GALNT13: variants seen among roughly 807,000 people sequenced by gnomAD.
The protein encoded by GALNT13 is polypeptide N-acetylgalactosaminyltransferase 13.
In GALNT13, 28 loss-of-function variants were observed where a neutral mutation model predicts 64.2. That is an observed-to-expected ratio of 0.44 (90% CI 0.32 to 0.60). The LOEUF (loss-of-function observed/expected upper bound fraction) is 0.60. Among genes scored for constraint, GALNT13 ranks in the 20% least tolerant of loss-of-function variants. The pLI is 0.05. For missense variants in GALNT13, 577 were observed against 669.8 expected, an observed-to-expected ratio of 0.86 and a Z score of 1.53; for synonymous variants, 214 against 224.6, an observed-to-expected ratio of 0.95 and a Z score of 0.42.
chr2:154,269,926 T>TATATATATATATATATATATATATA (rs1356571076), intron 8 of GALNT13, among the ~76,000 whole-genome samples: 57 of 33,270 alleles, frequency 1.7e-3, no homozygotes, highest in African/African-American at 4.2e-3. Flanking sequence ...ATATATATAT[T>TATATATATATATATATATATATATA]TCTAAAGCAC....
the GALNT13 span, among the ~76,000 whole-genome samples, chr2:153,861,264 T>A: frequency 6.6e-6 from 1 of 152,330 alleles, no homozygotes. Flanking sequence ...TGTATACTTA[T>A]TTTACCAACG....
the GALNT13 span, among the ~76,000 whole-genome samples, chr2:153,107,029 C>G: frequency 6.6e-6 from 1 of 152,014 alleles, no homozygotes; most frequent in Non-Finnish European, 1.5e-5. Context: ...AAATAAAACC[C>G]CTGCTCCCTA....
the GALNT13 span, among the ~76,000 whole-genome samples, chr2:153,685,581 T>C: frequency 6.6e-6 from 1 of 152,020 alleles, no homozygotes. Flanking sequence ...GTTGGATGCA[T>C]AGTTTGCAAA....
the GALNT13 span, among the ~76,000 whole-genome samples, chr2:153,619,728 A>G: frequency 6.6e-6 from 1 of 152,088 alleles, no homozygotes; most frequent in Non-Finnish European, 1.5e-5. Context: ...ATTGTAAGGT[A>G]GAAGTCTTTT....
chr2:153,771,967 A>G, the GALNT13 span, among the ~76,000 whole-genome samples: 1 of 152,220 alleles, frequency 6.6e-6, no homozygotes, highest in African/African-American at 2.4e-5. Flanking sequence ...CGGGGCACCC[A>G]GCAATGGCAT....
the GALNT13 span, among the ~76,000 whole-genome samples, chr2:153,811,390 T>C: frequency 6.6e-6 from 1 of 152,204 alleles, no homozygotes. Context: ...TTTACCTCTG[T>C]TTACTGGTTG....
chr2:153,459,543 A>G, the GALNT13 span, among the ~76,000 whole-genome samples: 1 of 152,126 alleles, frequency 6.6e-6, no homozygotes, highest in African/African-American at 2.4e-5. Flanking sequence ...ACTGAATTAC[A>G]TGGGGTCAAT....
the GALNT13 span, among the ~76,000 whole-genome samples, chr2:153,147,996 C>T: frequency 2.0e-5 from 3 of 151,680 alleles, no homozygotes; most frequent in Non-Finnish European, 2.9e-5. Flanking sequence ...CAAGAGTAAA[C>T]GTATAAGAAC....
At chr2:153,712,216 A>G in the GALNT13 span, among the ~76,000 whole-genome samples, 63 of 152,332 alleles carry the variant, frequency 4.1e-4, 1 homozygote, top group Admixed American at 1.3e-4. Context: ...AATTAGAAGT[A>G]TAATGTTTAT....
chr2:154,373,253 A>T (rs1697801237), intron 9 of GALNT13, among the ~76,000 whole-genome samples: 1 of 152,170 alleles, frequency 6.6e-6, no homozygotes, highest in Non-Finnish European at 1.5e-5. Context: ...GAAAAAATAC[A>T]TTGAATTTAG....
chr2:154,350,083 G>A (rs1696307060), intron 9 of GALNT13, among the ~76,000 whole-genome samples: 1 of 152,216 alleles, frequency 6.6e-6, no homozygotes, highest in South Asian at 2.1e-4. Context: ...TTAGTTCAGA[G>A]TGAGAATAGT....
chr2:153,723,378 C>A, the GALNT13 span, among the ~76,000 whole-genome samples: 1 of 150,532 alleles, frequency 6.6e-6, no homozygotes, highest in African/African-American at 2.5e-5. Flanking sequence ...GAAGCATTCC[C>A]TTTGAAAACG....
the GALNT13 span, among the ~76,000 whole-genome samples, chr2:153,342,608 G>C: frequency 1.3e-5 from 2 of 152,182 alleles, no homozygotes; most frequent in African/African-American, 2.4e-5. Context: ...CAAAGATATG[G>C]GGGATGAGTC....
At chr2:154,395,376 G>T (rs1482123704) in intron 9 of GALNT13, among the ~76,000 whole-genome samples, 4 of 151,890 alleles carry the variant, frequency 2.6e-5, no homozygotes, top group Non-Finnish European at 5.9e-5. Context: ...ATATATACAT[G>T]TGAATATATT....
At chr2:153,827,933 C>T in the GALNT13 span, among the ~76,000 whole-genome samples, 1 of 152,132 alleles carries the variant, frequency 6.6e-6, no homozygotes, top group African/African-American at 2.4e-5. Context: ...AAGAAATTGG[C>T]CAAAACAAGG....
rs532884210 is a variant in GALNT13, at chr2:154,157,308, C to A, written c.311+16803C>A. On this transcript the variant is annotated intron_variant, in intron 4 of 12. Coordinates refer to ENST00000392825, the MANE Select transcript of GALNT13 (RefSeq NM_052917.4). ...CATCGTCCATGTTTCCAGTTACAAC[C>A]AGCCCATCCTCTAGGTGTCCTTTCC... 2.0e-5 allele frequency among the ~76,000 whole-genome samples: 3 copies of A among 152,248 alleles called. No homozygotes were observed. The South Asian group carries it at 6.2e-4, about 32-fold the overall frequency.
chr2:153,786,336 C>T, the GALNT13 span, among the ~76,000 whole-genome samples: 2 of 152,256 alleles, frequency 1.3e-5, no homozygotes, highest in African/African-American at 4.8e-5. Flanking sequence ...ACACTGCAGC[C>T]ACCATTTGGA....
At chr2:153,117,910 C>T in the GALNT13 span, among the ~76,000 whole-genome samples, 7 of 152,226 alleles carry the variant, frequency 4.6e-5, no homozygotes, top group African/African-American at 1.7e-4. Flanking sequence ...CCTAATTTGT[C>T]ACGAACTCCA....
intron 3 of GALNT13, among the ~76,000 whole-genome samples, chr2:153,968,041 A>G (rs571839930): frequency 6.6e-6 from 1 of 151,854 alleles, no homozygotes; most frequent in Non-Finnish European, 1.5e-5. Context: ...TGCACAGCCT[A>G]CTCTTAGGAG....
Sources: allele counts gnomAD v4.1 joint callset (sites outside exome capture counted in the v4.1 genomes callset), GRCh38; gene constraint gnomAD v4.1.1; transcripts MANE v1.5; gene names NCBI Gene and HGNC (gene_info 2026-07-23, HGNC 2026-07-21).